Variants in EBF2 observed in about 807,000 individuals in gnomAD.
EBF2 encodes the protein EBF transcription factor 2, also known as transcription factor COE2.
Under a neutral mutation model 72.8 loss-of-function variants are expected in EBF2, and 21 were observed. The observed-to-expected ratio is 0.29, with a 90% CI of 0.20 to 0.42. The LOEUF (loss-of-function observed/expected upper bound fraction) is 0.42, where lower values mean the gene tolerates loss of function less well. EBF2 is among the 10% of genes least tolerant of loss of function. EBF2 has a pLI of 1.00. For missense variants in EBF2, 637 were observed against 731.2 expected (o/e 0.87, Z 1.49); for synonymous variants, 299 against 274.2 (o/e 1.09, Z -0.89).
intron 10 of EBF2, among the ~76,000 whole-genome samples, chr8:25,882,556 T>C (rs2117285324): frequency 6.6e-6 from 1 of 152,236 alleles, no homozygotes; most frequent in Non-Finnish European, 1.5e-5. Flanking sequence ...AAACCCATGA[T>C]TTAAAAAAGA....
intron 9 of EBF2, among the ~76,000 whole-genome samples, chr8:25,887,109 A>G (rs12675104): frequency 0.031 from 3,757 of 122,384 alleles, 149 homozygotes; most frequent in Admixed American, 0.13. Context: ...CTCTGTGTGT[A>G]TGTCTCTGTC....
Position 26,027,096 on chromosome 8 carries a change from G to C in EBF2, c.551+5989C>G, listed in dbSNP as rs138471197. Among the ~76,000 whole-genome samples, 289 of 152,244 alleles carry C rather than the reference G, an allele frequency of 1.9e-3. 2 individuals are homozygous for C. Among genetic ancestry groups the C allele is most frequent in the Non-Finnish European group, 2.3e-3 (154 of 68,014 alleles). On this transcript the variant is annotated intron_variant, in intron 6 of 15. Transcript: ENST00000520164. ...CCATTTCCGAGGAATGGGAGGTAAT[G>C]GTCACCTTGCAGACATACGTCACCT...
At chr8:26,005,559 T>TAGAGAG (rs1362114716) in intron 6 of EBF2, among the ~76,000 whole-genome samples, 15 of 55,576 alleles carry the variant, frequency 2.7e-4, no homozygotes, top group African/African-American at 8.1e-4. Flanking sequence ...TATATATATA[T>TAGAGAG]ATAGAGAGAG....
At chr8:25,953,586 G>C (rs1803897324) in intron 6 of EBF2, among the ~76,000 whole-genome samples, 1 of 152,160 alleles carries the variant, frequency 6.6e-6, no homozygotes, top group South Asian at 2.1e-4. Flanking sequence ...TGCAGTCAGG[G>C]CAGCTGATTC....
chr8:26,038,392 C>T (rs1805540445), intron 5 of EBF2, among the ~76,000 whole-genome samples: 1 of 152,124 alleles, frequency 6.6e-6, no homozygotes, highest in South Asian at 2.1e-4. Flanking sequence ...GCTACTTAAA[C>T]AGCATAAAAT....
rs1047395592 is a variant in EBF2 at position 26,009,154 on chromosome 8, G to C, written c.551+23931C>G. On this transcript the variant is annotated intron_variant, in intron 6 of 15. Coordinates refer to ENST00000520164, the MANE Select transcript of EBF2 (RefSeq NM_022659.4). The stretch of plus-strand genomic sequence containing the variant: ...AACCACCATGGGAGTGGGTGTTTGA[G>C]TTTGTCATAAAAGAGGAAAAAAGTT... Among the ~76,000 whole-genome samples, 3 of 138,876 alleles carry C rather than the reference G, an allele frequency of 2.2e-5. No individual in the cohort carries two copies. In the Admixed American group the frequency reaches 2.2e-4, roughly 10 times the overall value. 91.1% of individuals were successfully genotyped at this position (138,876 alleles called of 152,430 possible). A position where few individuals can be genotyped will look rare whatever the true frequency, so the allele number is the denominator to read the frequency against.
At chr8:26,041,599 A>C in intron 2 of EBF2, 1 of 161,124 alleles carries the variant, frequency 6.2e-6, no homozygotes, top group Non-Finnish European at 1.4e-5. Context: ...TTTGAGACCG[A>C]ACCCAGCCCC....
At position 25,842,185 on chromosome 8, in the gene EBF2, A is replaced by G. The variant is rs906529255; in HGVS notation, c.*2424T>C. 3 of 152,250 alleles carry G rather than the reference A, an allele frequency of 2.0e-5. No homozygotes were observed. Among genetic ancestry groups the G allele is most frequent in the African/African-American group, 7.2e-5 (3 of 41,474 alleles). 9.4% of individuals were successfully genotyped at this position (152,250 alleles called of 1,614,324 possible). A position where few individuals can be genotyped will look rare whatever the true frequency, so the allele number is the denominator to read the frequency against. ...GGCACAAAAATAACTTGGGACTGGA[A>G]TGATTGAATAGCAATGACTAACGAG... On this transcript the variant is annotated 3_prime_UTR_variant, in exon 16 of 16. Coordinates refer to ENST00000520164, the MANE Select transcript of EBF2 (RefSeq NM_022659.4).
At chr8:25,877,545 G>A (rs1177547570) in intron 10 of EBF2, among the ~76,000 whole-genome samples, 1 of 152,146 alleles carries the variant, frequency 6.6e-6, no homozygotes, top group East Asian at 1.9e-4. Flanking sequence ...TTTGTGCTGT[G>A]GTTGGCAGTG....
intron 14 of EBF2, among the ~76,000 whole-genome samples, chr8:25,851,572 T>G (rs954722810): frequency 1.3e-5 from 2 of 151,738 alleles, no homozygotes; most frequent in African/African-American, 4.9e-5. Flanking sequence ...TTATCTTCTA[T>G]GTTCAACTTA....
intron 6 of EBF2, among the ~76,000 whole-genome samples, chr8:25,941,588 G>A (rs1803671510): frequency 1.3e-5 from 2 of 152,232 alleles, no homozygotes; most frequent in South Asian, 4.1e-4. Context: ...TAGCAAAGGA[G>A]TCCAGAAAAG....
intron 7 of EBF2, among the ~76,000 whole-genome samples, chr8:25,890,102 T>G (rs1802753982): frequency 6.6e-6 from 1 of 152,150 alleles, no homozygotes; most frequent in South Asian, 2.1e-4. Context: ...AGCACACCCA[T>G]GTAATGAAGT....
chr8:25,921,317 C>CT (rs1179872658), intron 6 of EBF2, among the ~76,000 whole-genome samples: 105 of 151,908 alleles, frequency 6.9e-4, no homozygotes, highest in African/African-American at 2.5e-3. Context: ...TTTTAACTTT[C>CT]TTTTTTTTTC....
intron 8 of EBF2, among the ~76,000 whole-genome samples, chr8:25,888,266 G>A (rs1042755769): frequency 1.3e-5 from 2 of 152,206 alleles, no homozygotes; most frequent in Admixed American, 6.5e-5. Flanking sequence ...TTGAAGCCTA[G>A]AATTCTGCGG....
At chr8:25,945,938 AT>A (rs1335054473) in intron 6 of EBF2, among the ~76,000 whole-genome samples, 1 of 152,130 alleles carries the variant, frequency 6.6e-6, no homozygotes, top group Non-Finnish European at 1.5e-5. Context: ...TGGTTTCAGA[AT>A]GAGCAAGGAG....
intron 6 of EBF2, chr8:26,032,452 T>C (rs1805424455): frequency 6.6e-6 from 1 of 151,668 alleles, no homozygotes; most frequent in Non-Finnish European, 1.5e-5. Context: ...AATTACATGA[T>C]TTCTGGAAGT....
At chr8:26,019,700 GCT>G (rs1439930686) in intron 6 of EBF2, among the ~76,000 whole-genome samples, 3 of 152,142 alleles carry the variant, frequency 2.0e-5, no homozygotes, top group Non-Finnish European at 2.9e-5. Flanking sequence ...CTCACCAACA[GCT>G]CTTTCTCTCC....
rs1805663902 is a variant in EBF2 at position 26,044,350 on chromosome 8, T to C, written c.131+379A>G. Among the ~76,000 whole-genome samples the C allele has an allele frequency of 6.6e-6, 1 of 152,208 alleles. No homozygotes were observed. The highest frequency in any genetic ancestry group is 2.4e-5 in the African/African-American group (1 of 41,456). ...AGAGTGGCCAGGAAGCCGGCTTTCC[T>C]CCCGCGCCGCCACTGCCAGCGCCGG... On this transcript the variant is annotated intron_variant, in intron 1 of 15. Coordinates refer to ENST00000520164, the MANE Select transcript of EBF2 (RefSeq NM_022659.4). This position sits in a 1 kb window ranked among gnomAD's most constrained non-coding sequence, Gnocchi z 4.1.
At chr8:26,029,956 G>A (rs1805371610) in intron 6 of EBF2, among the ~76,000 whole-genome samples, 1 of 151,994 alleles carries the variant, frequency 6.6e-6, no homozygotes. Context: ...CTGTCATCCA[G>A]GCTGGAATAT....
Sources: gnomAD v4.1 joint callset for allele counts (sites outside exome capture counted in the v4.1 genomes callset) on GRCh38, gnomAD v4.1.1 for gene constraint, Gnocchi (gnomAD v3.1) non-coding constraint, MANE v1.5 for transcripts, NCBI Gene and HGNC (gene_info 2026-07-23, HGNC 2026-07-21) for gene names.